The following GPI variants were observed in gnomAD, a reference collection of about 807,000 sequenced individuals.
GPI encodes the protein glucose-6-phosphate isomerase.
GPI carries 56 observed loss-of-function variants against 75.8 expected under a neutral mutation model. That is an observed-to-expected ratio of 0.74 (90% CI 0.60 to 0.92). GPI has a LOEUF of 0.92. Ranked by LOEUF, GPI falls within the 40% of genes least tolerant of loss-of-function variation. The pLI, the probability that GPI is intolerant of heterozygous loss-of-function variation, is 0.00. For synonymous variants in GPI, 288 were observed against 285.4 expected (o/e 1.01, Z -0.09); for missense variants, 638 against 741.0 (o/e 0.86, Z 1.61).
rs1419850766 is a variant in GPI, at chr19:34,393,870, C to T, written c.910-44C>T. ...CCCCCACTGTCCTGTCCCTCCCCTCCCCGTGCAGCTGCTCAGCTCCCACTC... is the reference window on the plus strand; with the variant it reads ...CCCCCACTGTCCTGTCCCTCCCCTCTCCGTGCAGCTGCTCAGCTCCCACTC... On this transcript the variant is annotated intron_variant, in intron 11 of 17. Transcript: ENST00000356487. This position sits in a 1 kb window ranked among gnomAD's most constrained non-coding sequence, Gnocchi z 4.4. The T allele has an allele frequency of 3.1e-6, 5 of 1,610,740 alleles. No individual in the cohort carries two copies. Among genetic ancestry groups the T allele is most frequent in the Admixed American group, 3.3e-5 (2 of 60,014 alleles).
In GPI at chr19:34,387,534, T is replaced by A. The variant is rs2074755165; in HGVS notation, c.805-5714T>A. On this transcript the variant is annotated intron_variant, in intron 9 of 17. Transcript: ENST00000356487. ...AGTGAGTCTGTGGATCCAGGGTCAG[T>A]GCTGGTATGTTTAGCTGACATTGGC... Among the ~76,000 whole-genome samples the A allele has an allele frequency of 3.9e-5, 6 of 152,198 alleles. No homozygotes were observed. The South Asian group carries it at 1.2e-3, about 32-fold the overall frequency.
At chr19:34,367,516 A>G (rs1307596708) in intron 3 of GPI, among the ~76,000 whole-genome samples, 3 of 152,216 alleles carry the variant, frequency 2.0e-5, no homozygotes, top group East Asian at 3.8e-4. Flanking sequence ...TGCATTTGCC[A>G]ATAAAATGTG....
At chr19:34,362,846 G>C (rs1477610879), upstream of GPI, among the ~76,000 whole-genome samples, 1 of 152,168 alleles carries the variant, frequency 6.6e-6, no homozygotes, top group African/African-American at 2.4e-5. Flanking sequence ...GCAGGGCCCT[G>C]GAAAAGGACC....
intron 12 of GPI, among the ~76,000 whole-genome samples, chr19:34,395,946 C>CT (rs1203851088): frequency 2.4e-4 from 16 of 65,394 alleles, no homozygotes; most frequent in South Asian, 9.7e-4. Flanking sequence ...TTTTTTTTTT[C>CT]TTTTTTTTTG....
chr19:34,367,622 T>C (rs2074386503), intron 3 of GPI, among the ~76,000 whole-genome samples: 1 of 152,154 alleles, frequency 6.6e-6, no homozygotes, highest in Admixed American at 6.5e-5. Flanking sequence ...AGATGATCCT[T>C]TTCCTGCCCA....
intron 9 of GPI, among the ~76,000 whole-genome samples, chr19:34,385,366 A>AC (rs1485358583): frequency 2.2e-4 from 34 of 152,008 alleles, no homozygotes; most frequent in Middle Eastern, 3.4e-3. Context: ...AAAACAAAAA[A>AC]AAAAAAAAAA....
chr19:34,387,064 TGGGA>T (rs891909538), intron 9 of GPI, among the ~76,000 whole-genome samples: 11 of 152,142 alleles, frequency 7.2e-5, no homozygotes, highest in African/African-American at 2.4e-4. Context: ...AGCTGGACCC[TGGGA>T]GGCTGTAAGG....
At chr19:34,370,280 C>T (rs1023833056) in intron 4 of GPI, among the ~76,000 whole-genome samples, 4 of 152,252 alleles carry the variant, frequency 2.6e-5, no homozygotes, top group East Asian at 1.9e-4. Context: ...AGGGTGATGC[C>T]GGTGTGCCTG....
In GPI at chr19:34,370,787, T is replaced by A. The variant is rs7253813; in HGVS notation, c.402+2085T>A. ...GGAAAAAATAAATAAATCAGCTAGG[T>A]GTGGTGGTGTATCCCAGCTACTTGG... On this transcript the variant is annotated intron_variant, in intron 4 of 17. Coordinates refer to ENST00000356487, the MANE Select transcript of GPI (RefSeq NM_000175.5). Among the ~76,000 whole-genome samples, 196 of 149,092 alleles carry A rather than the reference T, an allele frequency of 1.3e-3. 1 individual carries two copies. The highest frequency in any genetic ancestry group is 3.5e-3 in the Middle Eastern group (1 of 284).
intron 12 of GPI, 71 bp from the exon 13 acceptor site, chr19:34,396,230 G>A (rs2074942112): frequency 3.8e-6 from 6 of 1,565,882 alleles, no homozygotes; most frequent in East Asian, 2.2e-5. Flanking sequence ...GAGCCACTGC[G>A]CTCAGCCTCT....
At chr19:34,375,842 A>G (rs1451328677) in intron 4 of GPI, among the ~76,000 whole-genome samples, 1 of 151,976 alleles carries the variant, frequency 6.6e-6, no homozygotes, top group African/African-American at 2.4e-5. Context: ...TGCATAGGTC[A>G]CCCCTCCCAG....
rs1297292138 is a variant in GPI, at chr19:34,402,361, C to T, written c.*2325C>T. On this transcript the variant is annotated 3_prime_UTR_variant, in exon 18 of 18. Coordinates refer to ENST00000356487, the MANE Select transcript of GPI (RefSeq NM_000175.5). ...CACAGGGCACTTGCTTGAGCCTCAT[C>T]CCGCTTTCTGGAATGTACTTTTGCT... 6.6e-6 allele frequency: 1 copy of T among 152,216 alleles called. No individual in the cohort carries two copies. Among genetic ancestry groups the T allele is most frequent in the Non-Finnish European group, 1.5e-5 (1 of 68,050 alleles). The allele number at this position is 152,216 out of a possible 1,614,324, so 9.4% of individuals were successfully genotyped here.
In GPI at chr19:34,401,502, T is replaced by C. The variant is rs973582680; in HGVS notation, c.*1466T>C. The C allele has an allele frequency of 6.6e-6, 1 of 152,430 alleles. No individual in the cohort carries two copies. The highest frequency in any genetic ancestry group is 2.4e-5 in the African/African-American group (1 of 41,448). The allele number at this position is 152,430 out of a possible 1,614,324, so 9.4% of individuals were successfully genotyped here. On this transcript the variant is annotated 3_prime_UTR_variant, in exon 18 of 18. Coordinates refer to ENST00000356487, the MANE Select transcript of GPI (RefSeq NM_000175.5). ...TCCCAAAGTGCTGGGATTACAGGCG[T>C]GAGCCACCGCGCCCAGCAAGGCGGG...
At chr19:34,387,299 T>C (rs2074750702) in intron 9 of GPI, among the ~76,000 whole-genome samples, 1 of 152,100 alleles carries the variant, frequency 6.6e-6, no homozygotes, top group South Asian at 2.1e-4. Context: ...GTTTATCTGG[T>C]GTTGTCAGTG....
In GPI at chr19:34,393,520, A is replaced by C; in HGVS notation, c.866-208A>C. On this transcript the variant is annotated intron_variant, in intron 10 of 17. Coordinates refer to ENST00000356487, the MANE Select transcript of GPI (RefSeq NM_000175.5). This position sits in a 1 kb window ranked among gnomAD's most constrained non-coding sequence, Gnocchi z 4.4. ...CCCCGTCTTTGCCCCTCACAACTGCAGTCCTGTTTCTCTCCTATCCTAGGC... is the reference window on the plus strand; with the variant it reads ...CCCCGTCTTTGCCCCTCACAACTGCCGTCCTGTTTCTCTCCTATCCTAGGC... 1.4e-6 allele frequency: 1 copy of C among 705,864 alleles called. No individual in the cohort carries two copies. The highest frequency in any genetic ancestry group is 2.5e-6 in the Non-Finnish European group (1 of 395,734). 43.7% of individuals were successfully genotyped at this position (705,864 alleles called of 1,614,324 possible).
intron 2 of GPI, 82 bp downstream of exon 2, chr19:34,366,517 G>C: frequency 1.1e-6 from 1 of 905,788 alleles, no homozygotes; most frequent in Non-Finnish European, 1.9e-6. Flanking sequence ...CCAGGACCTT[G>C]AGTATCTTGA....
intron 4 of GPI, among the ~76,000 whole-genome samples, 159 bp from the exon 5 acceptor site, chr19:34,377,330 AAAAAAAATATATAT>A (rs1568333194): frequency 1.2e-5 from 1 of 81,106 alleles, no homozygotes; most frequent in African/African-American, 7.9e-5. Context: ...AAAAAAAAAA[AAAAAAAATATATAT>A]ATATATATAT....
At chr19:34,383,412 G>GT (rs1639092391) in intron 9 of GPI, among the ~76,000 whole-genome samples, 1 of 152,188 alleles carries the variant, frequency 6.6e-6, no homozygotes, top group Non-Finnish European at 1.5e-5. Flanking sequence ...GTGGGAGGTG[G>GT]TGTAGACCTA....
chr19:34,377,665 A>G lies in GPI; in HGVS notation c.487-70A>G. On this transcript the variant is annotated intron_variant, in intron 5 of 17. Coordinates refer to ENST00000356487, the MANE Select transcript of GPI (RefSeq NM_000175.5). ...ACTCAGGTCTTTACTTTCTCCAGGGATGGGACCTGGCTGTCTCCACTTTTC... is the reference window on the plus strand; with the variant it reads ...ACTCAGGTCTTTACTTTCTCCAGGGGTGGGACCTGGCTGTCTCCACTTTTC... 7 of 1,586,320 alleles carry G rather than the reference A, an allele frequency of 4.4e-6. 1 individual carries two copies. The South Asian group carries it at 4.4e-5, about 10-fold the overall frequency.
Sources: gnomAD v4.1 joint callset for allele counts (sites outside exome capture counted in the v4.1 genomes callset) on GRCh38, gnomAD v4.1.1 for gene constraint, Gnocchi (gnomAD v3.1) non-coding constraint, MANE v1.5 for transcripts, NCBI Gene and HGNC (gene_info 2026-07-23, HGNC 2026-07-21) for gene names.